Variants in PIK3C2G observed in about 807,000 individuals in gnomAD.
The protein encoded by PIK3C2G is phosphatidylinositol-4-phosphate 3-kinase catalytic subunit type 2 gamma.
Under a neutral mutation model 181.1 loss-of-function variants are expected in PIK3C2G, and 168 were observed. That is an observed-to-expected ratio of 0.93 (90% CI 0.82 to 1.05). PIK3C2G has a LOEUF of 1.05. Ranked by LOEUF, PIK3C2G falls within the 50% of genes least tolerant of loss-of-function variation. The pLI, the probability that PIK3C2G is intolerant of heterozygous loss-of-function variation, is 0.00. For missense variants in PIK3C2G, 1,869 were observed against 1,732.8 expected (o/e 1.08, Z -1.40); for synonymous variants, 573 against 592.2 (o/e 0.97, Z 0.47).
At chr12:18,696,331 TATATATATATATATATATATC>T in the PIK3C2G span, 1 of 90,870 alleles carries the variant, frequency 1.1e-5, no homozygotes, top group African/African-American at 4.0e-5. Context: ...ACTATATATA[TATATATATATATATATATATC>T]ATATAATTCT....
At chr12:18,719,669 A>C in the PIK3C2G span, 1 of 1,427,782 alleles carries the variant, frequency 7.0e-7, no homozygotes, top group South Asian at 1.3e-5. Context: ...AAAGGATGCA[A>C]AAATACCATT....
chr12:18,445,180 T>A (rs1359369103), intron 18 of PIK3C2G, among the ~76,000 whole-genome samples: 1 of 152,054 alleles, frequency 6.6e-6, no homozygotes, highest in Non-Finnish European at 1.5e-5. Context: ...AGAGACTTTT[T>A]TATATTAGGA....
chr12:18,545,662 C>T (rs1944385655), intron 25 of PIK3C2G, among the ~76,000 whole-genome samples: 1 of 151,838 alleles, frequency 6.6e-6, no homozygotes, highest in Non-Finnish European at 1.5e-5. Flanking sequence ...TTATACAATT[C>T]ATCCTTAATT....
At chr12:18,723,543 C>A in the PIK3C2G span, 1 of 1,608,806 alleles carries the variant, frequency 6.2e-7, no homozygotes, top group Non-Finnish European at 8.5e-7. Context: ...TGTCATTGTC[C>A]TACTAAAAAA....
chr12:18,506,125 C>T (rs1287220463), intron 24 of PIK3C2G, among the ~76,000 whole-genome samples: 2 of 152,032 alleles, frequency 1.3e-5, no homozygotes, highest in Non-Finnish European at 2.9e-5. Context: ...GAGCTGTGTC[C>T]TTATGACCAC....
At chr12:18,321,681 T>C (rs1392631500) in intron 7 of PIK3C2G, among the ~76,000 whole-genome samples, 2 of 152,146 alleles carry the variant, frequency 1.3e-5, no homozygotes, top group Admixed American at 6.6e-5. Flanking sequence ...AAATTTACGA[T>C]AGCAAAGACA....
At chr12:18,391,332 C>G (rs1943519393) in intron 15 of PIK3C2G, 80 bp downstream of exon 15, 1 of 1,065,054 alleles carries the variant, frequency 9.4e-7, no homozygotes. Flanking sequence ...ATGATAGCTT[C>G]AAAGAGTGAG....
downstream of PIK3C2G, among the ~76,000 whole-genome samples, chr12:18,649,117 C>G (rs1950309955): frequency 6.6e-6 from 1 of 152,092 alleles, no homozygotes; most frequent in African/African-American, 2.4e-5. Flanking sequence ...GTCTATTACT[C>G]TCCCTTTCTG....
intron 29 of PIK3C2G, among the ~76,000 whole-genome samples, chr12:18,588,949 G>T (rs993023264): frequency 6.6e-6 from 1 of 152,076 alleles, no homozygotes; most frequent in South Asian, 2.1e-4. Flanking sequence ...CAGGAACATG[G>T]ATGGAGCTGG....
chr12:18,556,502 T>C (rs1945021645), intron 26 of PIK3C2G, among the ~76,000 whole-genome samples: 1 of 152,166 alleles, frequency 6.6e-6, no homozygotes, highest in African/African-American at 2.4e-5. Context: ...TTGAGATTTT[T>C]GTGAGGGTGA....
intron 18 of PIK3C2G, among the ~76,000 whole-genome samples, chr12:18,471,879 T>C (rs1309019975): frequency 1.3e-5 from 2 of 152,132 alleles, no homozygotes; most frequent in African/African-American, 4.8e-5. Flanking sequence ...CCATAGTCAA[T>C]AATCAATATT....
At chr12:18,569,862 A>C (rs151104339) in intron 29 of PIK3C2G, among the ~76,000 whole-genome samples, 14 of 151,902 alleles carry the variant, frequency 9.2e-5, no homozygotes, top group African/African-American at 3.1e-4. Context: ...GGTCATTCGG[A>C]TATCTTCTTT....
At chr12:18,252,073 A>G (rs999103088) in intron 1 of PIK3C2G, among the ~76,000 whole-genome samples, 4 of 152,176 alleles carry the variant, frequency 2.6e-5, no homozygotes, top group Non-Finnish European at 4.4e-5. Flanking sequence ...TCAAATATTC[A>G]TGTTAGAAAT....
chr12:18,556,427 C>T (rs550993668), intron 26 of PIK3C2G, among the ~76,000 whole-genome samples: 24 of 152,060 alleles, frequency 1.6e-4, no homozygotes, highest in Admixed American at 2.6e-4. Flanking sequence ...TAAAGTCTCA[C>T]CCTTCATCTT....
chr12:18,627,665 T>C (rs1949163601), intron 31 of PIK3C2G, among the ~76,000 whole-genome samples: 1 of 152,206 alleles, frequency 6.6e-6, no homozygotes, highest in Non-Finnish European at 1.5e-5. Context: ...AAACAAATCA[T>C]ATCGCAAGTG....
At chr12:18,471,020 T>C (rs1938407126) in intron 18 of PIK3C2G, among the ~76,000 whole-genome samples, 3 of 152,172 alleles carry the variant, frequency 2.0e-5, no homozygotes, top group African/African-American at 7.2e-5. Flanking sequence ...AACGTTAACT[T>C]AGACCTTTAT....
intron 18 of PIK3C2G, among the ~76,000 whole-genome samples, chr12:18,452,657 T>C (rs2135896242): frequency 6.6e-6 from 1 of 152,316 alleles, no homozygotes; most frequent in African/African-American, 2.4e-5. Context: ...GATTTGATAT[T>C]AAGGTGTCGA....
chr12:18,586,154 C>A (rs1946764880), intron 29 of PIK3C2G, among the ~76,000 whole-genome samples: 1 of 152,012 alleles, frequency 6.6e-6, no homozygotes, highest in Non-Finnish European at 1.5e-5. Flanking sequence ...GTATCAAGAG[C>A]AAACCAACCC....
intron 16 of PIK3C2G, among the ~76,000 whole-genome samples, chr12:18,407,524 C>T (rs1431716708): frequency 6.6e-6 from 1 of 151,946 alleles, no homozygotes; most frequent in East Asian, 1.9e-4. Context: ...TTTGCTAGGC[C>T]CTGAAACTAG....
Sources: allele counts gnomAD v4.1 joint callset (sites outside exome capture counted in the v4.1 genomes callset), GRCh38; gene constraint gnomAD v4.1.1; transcripts MANE v1.5; gene names NCBI Gene and HGNC (gene_info 2026-07-23, HGNC 2026-07-21).